Variants in CDHR3 observed in about 807,000 individuals in gnomAD.
CDHR3 encodes the protein cadherin-related family member 3.
In CDHR3, 79 loss-of-function variants were observed where a neutral mutation model predicts 86.6. That is an observed-to-expected ratio of 0.91 (90% CI 0.76 to 1.10). The LOEUF (loss-of-function observed/expected upper bound fraction) is 1.10, where lower values mean the gene tolerates loss of function less well. CDHR3 is among the 50% of genes least tolerant of loss of function. The pLI, the probability that CDHR3 is intolerant of heterozygous loss-of-function variation, is 0.00. For synonymous variants in CDHR3, 421 were observed against 402.4 expected (o/e 1.05, Z -0.55); for missense variants, 1,081 against 1,077.6 (o/e 1.00, Z -0.04).
intron 12 of CDHR3, among the ~76,000 whole-genome samples, chr7:106,018,906 T>C (rs1384360838): frequency 2.0e-5 from 3 of 152,110 alleles, no homozygotes. Context: ...GGGCCTGAGA[T>C]TCTGCATTTC....
At position 106,035,800 on chromosome 7, in the gene CDHR3, C is replaced by A. The variant is rs904777142; in HGVS notation, c.*3103C>A. ...TGATTGGTTGCAAAAAGCAACCAAT[C>A]AGAGGCTAAGGTGAAGTTACAACGT... On this transcript the variant is annotated 3_prime_UTR_variant, in exon 19 of 19. Coordinates refer to ENST00000317716, the MANE Select transcript of CDHR3 (RefSeq NM_152750.5). The A allele has an allele frequency of 6.6e-6, 1 of 152,158 alleles. No individual in the cohort carries two copies. Among genetic ancestry groups the A allele is most frequent in the Admixed American group, 6.5e-5 (1 of 15,278 alleles). The allele number at this position is 152,158 out of a possible 1,614,324, so 9.4% of individuals were successfully genotyped here.
chr7:106,009,511 ATGTT>A (rs1441180902), intron 8 of CDHR3, among the ~76,000 whole-genome samples: 1 of 152,202 alleles, frequency 6.6e-6, no homozygotes, highest in Non-Finnish European at 1.5e-5. Flanking sequence ...TTGCTCTTGA[ATGTT>A]TGTTCCTTCC....
chr7:106,030,058 T>A lies in CDHR3; in HGVS notation c.2305-734T>A, dbSNP rs1424134324. Among the ~76,000 whole-genome samples, 1 of 152,212 alleles carries A rather than the reference T, an allele frequency of 6.6e-6. No homozygotes were observed. The highest frequency in any genetic ancestry group is 1.5e-5 in the Non-Finnish European group (1 of 68,048). On this transcript the variant is annotated intron_variant, in intron 17 of 18. Transcript: ENST00000317716. This position sits in a 1 kb window ranked among gnomAD's most constrained non-coding sequence, Gnocchi z 4.8. ...AGGGGATCCTTTAAGTGATAAAAAC[T>A]GGAGATTGGAAAGCTTGCTAAACTC...
At chr7:105,972,231 G>A (rs756351554) in intron 1 of CDHR3, among the ~76,000 whole-genome samples, 7 of 152,172 alleles carry the variant, frequency 4.6e-5, no homozygotes, top group Non-Finnish European at 1.0e-4. Context: ...TGGGATTAAG[G>A]GGATCAGGCA....
At chr7:106,000,867 C>T (rs553392836) in intron 6 of CDHR3, among the ~76,000 whole-genome samples, 14 of 135,532 alleles carry the variant, frequency 1.0e-4, no homozygotes, top group East Asian at 4.3e-4. Context: ...GAAAGGTGCA[C>T]GAGTTCTGTG....
chr7:106,009,192 C>T (rs1434848274), intron 8 of CDHR3, among the ~76,000 whole-genome samples: 3 of 152,176 alleles, frequency 2.0e-5, no homozygotes, highest in African/African-American at 7.2e-5. Flanking sequence ...GGCTCAAGTT[C>T]CCTCTTTGGG....
chr7:106,022,409 C>A lies in CDHR3; in HGVS notation c.2037C>A (p.Val679=), dbSNP rs1426173167. 6.2e-7 allele frequency: 1 copy of A among 1,614,026 alleles called. No individual in the cohort carries two copies. Among genetic ancestry groups the A allele is most frequent in the Admixed American group, 1.7e-5 (1 of 60,026 alleles). The change falls in exon 14 of 19, where the codon GTC becomes GTA. Residue 679 remains valine (V), a synonymous_variant. Coordinates refer to ENST00000317716, the MANE Select transcript of CDHR3 (RefSeq NM_152750.5). ...ETGTVTLSIK[V]IPHPTTIITT... is the part of the protein sequence containing the mutation. ...GAACAGTGACACTGAGTATTAAAGT[C>A]ATTCCCCACCCAACCACTATCATCA...
chr7:105,979,122 C>A (rs1256036449), intron 2 of CDHR3, among the ~76,000 whole-genome samples: 1 of 152,182 alleles, frequency 6.6e-6, no homozygotes, highest in Admixed American at 6.5e-5. Flanking sequence ...TAGATTAGCT[C>A]ATCGAATCCT....
intron 8 of CDHR3, among the ~76,000 whole-genome samples, chr7:106,011,169 A>G (rs2115833924): frequency 6.6e-6 from 1 of 152,304 alleles, no homozygotes; most frequent in African/African-American, 2.4e-5. Context: ...GCCAAAACAA[A>G]CAAAAAAGAA....
intron 15 of CDHR3, 93 bp downstream of exon 15, chr7:106,024,655 T>C (rs1426130088): frequency 1.5e-6 from 2 of 1,341,248 alleles, no homozygotes; most frequent in African/African-American, 1.5e-5. Flanking sequence ...GAATCAGGAT[T>C]TCTCTACAAG....
At chr7:106,018,135 A>T in intron 12 of CDHR3, 63 bp downstream of exon 12, 1 of 1,340,960 alleles carries the variant, frequency 7.5e-7, no homozygotes, top group Non-Finnish European at 1.0e-6. Flanking sequence ...TCTCTCTGGC[A>T]CCCCCAGAGT....
intron 14 of CDHR3, 139 bp downstream of exon 14, chr7:106,022,587 G>T: frequency 2.4e-6 from 3 of 1,272,868 alleles, no homozygotes; most frequent in Non-Finnish European, 2.2e-6. Context: ...GGCAACCATG[G>T]GCTGGACTGG....
chr7:106,031,310 C>G (rs1467020338), intron 18 of CDHR3, among the ~76,000 whole-genome samples: 1 of 152,136 alleles, frequency 6.6e-6, no homozygotes, highest in Non-Finnish European at 1.5e-5. Flanking sequence ...AGATCAGGGC[C>G]AAGAATTTCC....
chr7:106,018,246 T>C (rs905323472), intron 12 of CDHR3, among the ~76,000 whole-genome samples, 174 bp downstream of exon 12: 3 of 152,170 alleles, frequency 2.0e-5, no homozygotes, highest in Admixed American at 6.5e-5. Context: ...TTTTTCTTTT[T>C]TCGTTTTTGA....
intron 16 of CDHR3, chr7:106,027,750 T>A: frequency 2.4e-6 from 1 of 418,254 alleles, no homozygotes; most frequent in Non-Finnish European, 4.7e-6. Context: ...GAAATTTGAT[T>A]ATAGTGGTTA....
At position 106,030,821 on chromosome 7, in the gene CDHR3, T is replaced by C. The variant is rs10270308; in HGVS notation, c.2334T>C (p.Asp778=). 63,785 of 1,610,650 alleles carry C rather than the reference T, an allele frequency of 0.04. 8,048 individuals carry two copies. Among genetic ancestry groups the C allele is most frequent in the East Asian group, 0.36 (15,881 of 44,718 alleles). Reference sequence around the variant, plus strand: ...CTATCCAGATGAACACTATCTTTGATGGAGAAGCCATAGATCCAGGTAATT... The same window carrying C: ...CTATCCAGATGAACACTATCTTTGACGGAGAAGCCATAGATCCAGGTAATT... ...VETIQMNTIF[D]GEAIDPVTGE... is the part of the protein sequence containing the mutation. The change falls in exon 18 of 19, where the codon GAT becomes GAC. Residue 778 remains aspartate (D), a synonymous_variant. Transcript: ENST00000317716. This position sits in a 1 kb window ranked among gnomAD's most constrained non-coding sequence, Gnocchi z 4.8.
At chr7:105,978,084 C>T (rs1829100253) in intron 2 of CDHR3, among the ~76,000 whole-genome samples, 1 of 152,166 alleles carries the variant, frequency 6.6e-6, no homozygotes, top group Non-Finnish European at 1.5e-5. Context: ...GCAACTTGCC[C>T]AAGTTCACAT....
intron 6 of CDHR3, among the ~76,000 whole-genome samples, chr7:105,997,501 G>A (rs1433842697): frequency 6.6e-6 from 1 of 152,206 alleles, no homozygotes; most frequent in Non-Finnish European, 1.5e-5. Context: ...CTGACAGGTG[G>A]CTCCTGGAGC....
chr7:106,030,968 A>T lies in CDHR3; in HGVS notation c.2353+128A>T. The T allele has an allele frequency of 1.2e-6, 1 of 852,466 alleles. No homozygotes were observed. The highest frequency in any genetic ancestry group is 1.9e-6 in the Non-Finnish European group (1 of 530,380). The allele number at this position is 852,466 out of a possible 1,614,324, so 52.8% of individuals were successfully genotyped here. A position where few individuals can be genotyped will look rare whatever the true frequency, so the allele number is the denominator to read the frequency against. Reference sequence around the variant, plus strand: ...ATCCGTTTGGCTATGTTGCCTATATAGTGCTGACTCTTCTAGGCTAAATAC... The same window carrying T: ...ATCCGTTTGGCTATGTTGCCTATATTGTGCTGACTCTTCTAGGCTAAATAC... On this transcript the variant is annotated intron_variant, in intron 18 of 18. Transcript: ENST00000317716. The surrounding 1 kb of genome is among the most constrained non-coding windows in gnomAD (Gnocchi z 4.8).
Sources: gnomAD v4.1 joint callset for allele counts (sites outside exome capture counted in the v4.1 genomes callset) on GRCh38, gnomAD v4.1.1 for gene constraint, Gnocchi (gnomAD v3.1) non-coding constraint, MANE v1.5 for transcripts, NCBI Gene and HGNC (gene_info 2026-07-23, HGNC 2026-07-21) for gene names.